Variants in RERE observed in about 807,000 individuals in gnomAD.
RERE encodes the protein arginine-glutamic acid dipeptide repeats protein.
RERE carries 40 observed loss-of-function variants against 146.1 expected under a neutral mutation model. That is an observed-to-expected ratio of 0.27 (90% confidence interval 0.21 to 0.36). The LOEUF is 0.36. Ranked by LOEUF, RERE falls within the 10% of genes least tolerant of loss-of-function variation. The probability of loss-of-function intolerance (pLI) is 1.00; values close to 1 mark genes in which losing one functional copy is unlikely to be tolerated. For missense variants in RERE, 1,933 were observed against 2,138.7 expected, an observed-to-expected ratio of 0.90 and a Z score of 1.90; for synonymous variants, 1,003 against 866.0, an observed-to-expected ratio of 1.16 and a Z score of -2.78.
rs1391403716 is a variant in RERE, at chr1:8,364,619, G to A, written c.1540+127C>T. On this transcript the variant is annotated intron_variant, in intron 14 of 22. Coordinates refer to ENST00000400908, the MANE Select transcript of RERE (RefSeq NM_001042681.2). This position sits in a 1 kb window ranked among gnomAD's most constrained non-coding sequence, Gnocchi z 5.1. ...AACATTTCTAACTTTCTCGAATCCC[G>A]AAGCACAATGCAAATGTCAAATCAA... 6 of 717,110 alleles carry A rather than the reference G, an allele frequency of 8.4e-6. No homozygotes were observed. Among genetic ancestry groups the A allele is most frequent in the African/African-American group, 5.2e-5 (3 of 57,314 alleles). The allele number at this position is 717,110 out of a possible 1,614,324, so 44.4% of individuals were successfully genotyped here.
chr1:8,387,014 A>C (rs937539456), intron 12 of RERE, among the ~76,000 whole-genome samples: 44 of 152,346 alleles, frequency 2.9e-4, no homozygotes, highest in Middle Eastern at 3.4e-3. Context: ...ATTTTAAAGA[A>C]GAATAAAGTG....
chr1:8,623,958 C>A (rs1646945393), intron 3 of RERE, among the ~76,000 whole-genome samples: 2 of 152,140 alleles, frequency 1.3e-5, no homozygotes, highest in South Asian at 4.1e-4. Context: ...TATTATTTCC[C>A]CTACTCATCA....
chr1:8,708,273 A>G (rs140627447), intron 1 of RERE, among the ~76,000 whole-genome samples: 3 of 152,118 alleles, frequency 2.0e-5, no homozygotes, highest in East Asian at 1.9e-4. Context: ...GTCATAGTGG[A>G]TAAGTCTCAC....
At chr1:8,777,034 A>T (rs903194640) in intron 1 of RERE, among the ~76,000 whole-genome samples, 4 of 152,090 alleles carry the variant, frequency 2.6e-5, no homozygotes, top group African/African-American at 9.7e-5. Flanking sequence ...ACCACACCAG[A>T]CCTAAATACT....
chr1:8,732,078 T>C (rs1047922834), intron 1 of RERE, among the ~76,000 whole-genome samples: 4 of 152,108 alleles, frequency 2.6e-5, no homozygotes, highest in Non-Finnish European at 4.4e-5. Context: ...GCTGGGATTA[T>C]AGGCATGAGC....
chr1:8,401,055 A>ATATATATATATATATATATATATC (rs1643246947), intron 12 of RERE, among the ~76,000 whole-genome samples: 1 of 114,876 alleles, frequency 8.7e-6, no homozygotes, highest in Non-Finnish European at 1.8e-5. Flanking sequence ...ATATATATAT[A>ATATATATATATATATATATATATC]TATATATATA....
chr1:8,653,130 G>A (rs1175780065), intron 2 of RERE, among the ~76,000 whole-genome samples: 2 of 152,134 alleles, frequency 1.3e-5, no homozygotes, highest in Admixed American at 6.5e-5. Flanking sequence ...CTTAACTGTC[G>A]GGCTTCTTGG....
At chr1:8,805,101 C>T (rs1483291000) in intron 1 of RERE, among the ~76,000 whole-genome samples, 1 of 150,312 alleles carries the variant, frequency 6.7e-6, no homozygotes, top group African/African-American at 2.5e-5. Context: ...ACCTCGGCCT[C>T]CCAGGTTCAA....
At chr1:8,733,376 T>C (rs1370122685) in intron 1 of RERE, among the ~76,000 whole-genome samples, 2 of 152,242 alleles carry the variant, frequency 1.3e-5, no homozygotes, top group Admixed American at 1.3e-4. Context: ...TCATGAGAAC[T>C]GTGGTAACCA....
intron 1 of RERE, chr1:8,805,859 T>C (rs1226180943): frequency 6.8e-6 from 1 of 146,236 alleles, no homozygotes; most frequent in Non-Finnish European, 1.5e-5. Context: ...TTTTTTTTTT[T>C]TTTTTTTTTG....
intron 1 of RERE, among the ~76,000 whole-genome samples, chr1:8,778,165 G>T (rs1641103007): frequency 6.6e-6 from 1 of 152,142 alleles, no homozygotes; most frequent in African/African-American, 2.4e-5. Flanking sequence ...TTATCTATTA[G>T]ACAGTGAGTT....
intron 11 of RERE, among the ~76,000 whole-genome samples, chr1:8,461,462 A>AG (rs1644525713): frequency 6.6e-6 from 1 of 152,156 alleles, no homozygotes; most frequent in Non-Finnish European, 1.5e-5. Context: ...GATCAAACCA[A>AG]GTTTACTTAG....
chr1:8,488,407 G>A (rs961331695), intron 10 of RERE, among the ~76,000 whole-genome samples: 6 of 151,934 alleles, frequency 3.9e-5, no homozygotes, highest in African/African-American at 7.3e-5. Context: ...CACCATGCCC[G>A]GCTAATTTTT....
intron 20 of RERE, 40 bp downstream of exon 20, chr1:8,358,156 C>A: frequency 1.3e-6 from 2 of 1,554,694 alleles, no homozygotes; most frequent in Non-Finnish European, 1.7e-6. Context: ...CTGCACCCCT[C>A]CCCGTGCCTC....
chr1:8,598,539 A>G (rs890106270), intron 4 of RERE, among the ~76,000 whole-genome samples: 1 of 152,190 alleles, frequency 6.6e-6, no homozygotes, highest in African/African-American at 2.4e-5. Context: ...CCCTCACTCC[A>G]CAGCCTCTCA....
At position 8,646,469 on chromosome 1, in the gene RERE, C is replaced by T. The variant is rs556535880; in HGVS notation, c.325+9504G>A. On this transcript the variant is annotated intron_variant, in intron 2 of 22. Coordinates refer to ENST00000400908, the MANE Select transcript of RERE (RefSeq NM_001042681.2). ...ACCACTTGAGCTCGGGAGTTCAAGG[C>T]TTCAGTAAGCCGTGTTCATGTCACT... is the stretch of plus-strand genomic sequence containing the variant. Among the ~76,000 whole-genome samples the T allele has an allele frequency of 9.3e-4, 141 of 151,630 alleles. 4 individuals are homozygous for T. The highest frequency in any genetic ancestry group is 7.5e-3 in the South Asian group (36 of 4,796).
intron 11 of RERE, among the ~76,000 whole-genome samples, chr1:8,464,645 G>A (rs974551083): frequency 6.6e-6 from 1 of 152,076 alleles, no homozygotes; most frequent in African/African-American, 2.4e-5. Flanking sequence ...CCTACTTCTT[G>A]AACATGCCAA....
At chr1:8,465,469 T>TG (rs1644583069) in intron 11 of RERE, 1 of 330,942 alleles carries the variant, frequency 3.0e-6, no homozygotes, top group African/African-American at 2.2e-5. Context: ...AGAGGACTGA[T>TG]GGAGCCCAGG....
chr1:8,548,092 T>G (rs2124405945), intron 6 of RERE, among the ~76,000 whole-genome samples: 1 of 152,308 alleles, frequency 6.6e-6, no homozygotes, highest in Non-Finnish European at 1.5e-5. Flanking sequence ...AAGAGCAAAG[T>G]ACAAAAGACC....
Sources: gnomAD v4.1 joint callset for allele counts (sites outside exome capture counted in the v4.1 genomes callset) on GRCh38, gnomAD v4.1.1 for gene constraint, Gnocchi (gnomAD v3.1) non-coding constraint, MANE v1.5 for transcripts, NCBI Gene and HGNC (gene_info 2026-07-23, HGNC 2026-07-21) for gene names.